Variants in SV2C observed in about 807,000 individuals in gnomAD.
SV2C encodes the protein solute carrier family 22 member B3.
In SV2C, 49 loss-of-function variants were observed where a neutral mutation model predicts 79.7. The ratio of observed to expected loss-of-function variants is 0.61; its 90% confidence interval spans 0.49 to 0.78. The LOEUF (loss-of-function observed/expected upper bound fraction) is 0.78. Among genes scored for constraint, SV2C ranks in the 30% least tolerant of loss-of-function variants. The pLI, the probability that SV2C is intolerant of heterozygous loss-of-function variation, is 0.00. For missense variants in SV2C, 833 were observed against 912.9 expected (o/e 0.91, Z 1.13); for synonymous variants, 334 against 333.2 (o/e 1.00, Z -0.03).
At chr5:76,050,570 A>T in the SV2C span, among the ~76,000 whole-genome samples, 1 of 150,372 alleles carries the variant, frequency 6.7e-6, no homozygotes, top group Admixed American at 6.6e-5. Context: ...CTAATTCTTG[A>T]TCTCTCTCTC....
chr5:76,087,419 G>A (rs1292674110), intron 1 of SV2C, among the ~76,000 whole-genome samples: 1 of 152,242 alleles, frequency 6.6e-6, no homozygotes, highest in Non-Finnish European at 1.5e-5. Context: ...CAAGTCAAGA[G>A]TACAGTGAGA....
the SV2C span, among the ~76,000 whole-genome samples, chr5:75,947,065 G>C: frequency 6.6e-6 from 1 of 152,098 alleles, no homozygotes; most frequent in East Asian, 1.9e-4. Context: ...GTCTTGGGTT[G>C]CTCTTGGCTT....
intron 4 of SV2C, chr5:76,242,405 G>T: frequency 4.3e-6 from 3 of 692,310 alleles, no homozygotes; most frequent in East Asian, 3.5e-5. Context: ...CACTGCTCCG[G>T]TCTCAATCTC....
upstream of SV2C, chr5:76,079,001 T>A (rs1200492160): frequency 8.9e-6 from 4 of 450,812 alleles, no homozygotes; most frequent in Non-Finnish European, 1.8e-5. Flanking sequence ...GTGAAGCGAT[T>A]ACCACCTGTA....
At chr5:76,101,377 C>A (rs1217349005) in intron 1 of SV2C, among the ~76,000 whole-genome samples, 1 of 152,136 alleles carries the variant, frequency 6.6e-6, no homozygotes, top group Non-Finnish European at 1.5e-5. Context: ...TTAGGAGTGG[C>A]CAATTTCCAT....
chr5:76,336,809 G>A (rs1749339106), downstream of SV2C, among the ~76,000 whole-genome samples: 1 of 152,202 alleles, frequency 6.6e-6, no homozygotes, highest in Non-Finnish European at 1.5e-5. Context: ...GAATGAGGGA[G>A]AAAAGAAAAG....
At chr5:76,184,499 ATAATT>A (rs1191024225) in intron 2 of SV2C, among the ~76,000 whole-genome samples, 2 of 152,348 alleles carry the variant, frequency 1.3e-5, no homozygotes, top group South Asian at 4.1e-4. Flanking sequence ...CTGAGACTGA[ATAATT>A]TATAAAGAAA....
intron 10 of SV2C, among the ~76,000 whole-genome samples, chr5:76,299,658 A>G (rs1419780047): frequency 6.6e-6 from 1 of 152,236 alleles, no homozygotes; most frequent in Non-Finnish European, 1.5e-5. Flanking sequence ...CCCTGTTGCC[A>G]GACCTGCCTT....
chr5:76,074,277 G>A, the SV2C span, among the ~76,000 whole-genome samples: 1 of 152,154 alleles, frequency 6.6e-6, no homozygotes, highest in African/African-American at 2.4e-5. Flanking sequence ...CCACAATGCT[G>A]TGTGATGCGG....
intron 1 of SV2C, chr5:76,084,219 T>C (rs973546495): frequency 2.0e-5 from 3 of 152,266 alleles, no homozygotes; most frequent in African/African-American, 2.4e-5. Context: ...CAAAAACCTT[T>C]TGGGCGCCTG....
intron 4 of SV2C, among the ~76,000 whole-genome samples, chr5:76,236,791 A>G (rs1207408379): frequency 6.6e-6 from 1 of 152,104 alleles, no homozygotes; most frequent in Non-Finnish European, 1.5e-5. Context: ...CATGAAACCA[A>G]TTGATATGGT....
At chr5:76,069,777 C>T in the SV2C span, among the ~76,000 whole-genome samples, 1 of 151,594 alleles carries the variant, frequency 6.6e-6, no homozygotes, top group African/African-American at 2.4e-5. Context: ...TTCTTCCAAC[C>T]TCTCTCCTCT....
the SV2C span, among the ~76,000 whole-genome samples, chr5:75,992,368 G>C: frequency 1.3e-5 from 2 of 151,892 alleles, no homozygotes; most frequent in Non-Finnish European, 2.9e-5. Flanking sequence ...TATATATGCA[G>C]TCCTCACTTT....
At chr5:76,293,789 C>T (rs1747641418) in intron 8 of SV2C, among the ~76,000 whole-genome samples, 1 of 152,180 alleles carries the variant, frequency 6.6e-6, no homozygotes, top group Admixed American at 6.5e-5. Flanking sequence ...AGGTACTTGA[C>T]ATCCCATTTA....
At chr5:76,069,113 GT>G in the SV2C span, among the ~76,000 whole-genome samples, 1 of 152,166 alleles carries the variant, frequency 6.6e-6, no homozygotes, top group Non-Finnish European at 1.5e-5. Context: ...TCCTAAATAT[GT>G]TTTAGTTACA....
the SV2C span, among the ~76,000 whole-genome samples, chr5:75,916,411 T>C: frequency 8.0e-6 from 1 of 124,422 alleles, no homozygotes; most frequent in Admixed American, 8.5e-5. Flanking sequence ...CTCCTCCTCC[T>C]CCTCCACCTC....
At chr5:76,249,912 A>C (rs1381014561) in intron 4 of SV2C, among the ~76,000 whole-genome samples, 1 of 152,200 alleles carries the variant, frequency 6.6e-6, no homozygotes, top group Non-Finnish European at 1.5e-5. Context: ...TTTGTGCCAC[A>C]ATCCTGGTAA....
At chr5:76,015,054 T>C in the SV2C span, among the ~76,000 whole-genome samples, 1 of 152,140 alleles carries the variant, frequency 6.6e-6, no homozygotes, top group Non-Finnish European at 1.5e-5. Context: ...GTAGTTAAGG[T>C]TGGGGTCATG....
chr5:76,007,023 A>G, the SV2C span, among the ~76,000 whole-genome samples: 2 of 152,240 alleles, frequency 1.3e-5, no homozygotes, highest in South Asian at 2.1e-4. Flanking sequence ...GTAAGTACTA[A>G]AATTATTCCC....
Sources: gnomAD v4.1 joint callset for allele counts (sites outside exome capture counted in the v4.1 genomes callset) on GRCh38, gnomAD v4.1.1 for gene constraint, MANE v1.5 for transcripts, NCBI Gene and HGNC (gene_info 2026-07-23, HGNC 2026-07-21) for gene names.